Variants in AGK observed in about 807,000 individuals in gnomAD.
The protein encoded by AGK is acylglycerol kinase, also known as acylglycerol kinase, mitochondrial.
Under a neutral mutation model 66.4 loss-of-function variants are expected in AGK, and 52 were observed. That is an observed-to-expected ratio of 0.78 (90% CI 0.63 to 0.99). The LOEUF is 0.99. Among genes scored for constraint, AGK ranks in the 50% least tolerant of loss-of-function variants. AGK has a pLI of 0.00. For synonymous variants in AGK, 182 were observed against 181.1 expected, an observed-to-expected ratio of 1.00 and a Z score of -0.04; for missense variants, 451 against 506.6, an observed-to-expected ratio of 0.89 and a Z score of 1.05.
At chr7:141,615,970 T>C (rs1220624767) in intron 8 of AGK, 2 of 160,882 alleles carry the variant, frequency 1.2e-5, no homozygotes, top group African/African-American at 4.8e-5. Context: ...CTTCATTATC[T>C]TGATATTAAA....
chr7:141,585,853 A>G (rs368392403), intron 2 of AGK, among the ~76,000 whole-genome samples: 3 of 152,224 alleles, frequency 2.0e-5, no homozygotes, highest in East Asian at 3.8e-4. Context: ...TTTCTGTCAA[A>G]GAACCTGCAT....
intron 5 of AGK, among the ~76,000 whole-genome samples, chr7:141,602,961 T>G (rs1796376530): frequency 6.6e-6 from 1 of 152,154 alleles, no homozygotes; most frequent in Non-Finnish European, 1.5e-5. Flanking sequence ...TCTTTGTTAA[T>G]GATTTCAGAC....
At chr7:141,630,041 G>C (rs1222860074) in intron 9 of AGK, among the ~76,000 whole-genome samples, 1 of 152,126 alleles carries the variant, frequency 6.6e-6, no homozygotes, top group Non-Finnish European at 1.5e-5. Flanking sequence ...AACATAACTG[G>C]CTTCAAACCA....
intron 2 of AGK, chr7:141,562,110 G>T (rs779713840): frequency 4.4e-6 from 2 of 455,640 alleles, no homozygotes; most frequent in Admixed American, 4.7e-5. Context: ...GCTATAGATA[G>T]GTTTAGTGTG....
chr7:141,555,696 T>A lies in AGK; in HGVS notation c.101+129T>A. 1 of 609,884 alleles carries A rather than the reference T, an allele frequency of 1.6e-6. No individual in the cohort carries two copies. Among genetic ancestry groups the A allele is most frequent in the Non-Finnish European group, 2.8e-6 (1 of 358,922 alleles). 37.8% of individuals were successfully genotyped at this position (609,884 alleles called of 1,614,324 possible). On this transcript the variant is annotated intron_variant, in intron 2 of 15. Transcript: ENST00000649286. This position sits in a 1 kb window ranked among gnomAD's most constrained non-coding sequence, Gnocchi z 4.2. Reference sequence around the variant, plus strand: ...TGTGGTGTAAAAGAAAAATAAATGCTATTCAAAGCAAAAACAAAGACTTCT... The same window carrying A: ...TGTGGTGTAAAAGAAAAATAAATGCAATTCAAAGCAAAAACAAAGACTTCT...
intron 9 of AGK, among the ~76,000 whole-genome samples, chr7:141,622,409 C>G (rs1796847331): frequency 6.6e-6 from 1 of 152,210 alleles, no homozygotes; most frequent in African/African-American, 2.4e-5. Context: ...CTGCCCCAAG[C>G]AAGTCTACCA....
At chr7:141,608,633 C>G (rs1796513054) in intron 5 of AGK, among the ~76,000 whole-genome samples, 1 of 152,170 alleles carries the variant, frequency 6.6e-6, no homozygotes, top group East Asian at 1.9e-4. Context: ...GAAGGGGGAC[C>G]CTCAATGAAA....
rs376806008 is a variant in AGK at position 141,555,513 on chromosome 7, C to T, written c.47C>T (p.Thr16Ile). 4.3e-6 allele frequency: 7 copies of T among 1,614,142 alleles called. No individual in the cohort carries two copies. The African/African-American group carries it at 5.3e-5, about 12-fold the overall frequency. The change falls in exon 2 of 16, where the codon ACA (threonine) becomes ATA (isoleucine). Residue 16 changes from threonine (T) to isoleucine (I), a missense_variant. Coordinates refer to ENST00000649286, the MANE Select transcript of AGK (RefSeq NM_018238.4). The surrounding 1 kb of genome is among the most constrained non-coding windows in gnomAD (Gnocchi z 4.2). ...CTTCGAAATCACTGGAAGAAAACTA[C>T]AGCTGGGCTCTGCCTGCTGACCTGG... ...KTLRNHWKKTTAGLCLLTWGG... is the reference protein window; with the variant it reads ...KTLRNHWKKTIAGLCLLTWGG...
chr7:141,556,963 T>A (rs1795222359), intron 2 of AGK, among the ~76,000 whole-genome samples: 1 of 152,114 alleles, frequency 6.6e-6, no homozygotes, highest in Non-Finnish European at 1.5e-5. Flanking sequence ...AACAGAGAAG[T>A]TTTTTTGTAT....
chr7:141,557,198 A>G (rs1035392721), intron 2 of AGK, among the ~76,000 whole-genome samples: 6 of 152,228 alleles, frequency 3.9e-5, no homozygotes, highest in African/African-American at 7.2e-5. Flanking sequence ...ACTTTATGAT[A>G]TAACATGATG....
chr7:141,596,338 AT>A (rs1372469450), intron 3 of AGK, among the ~76,000 whole-genome samples: 1 of 152,168 alleles, frequency 6.6e-6, no homozygotes, highest in Non-Finnish European at 1.5e-5. Flanking sequence ...ATAAAGCAGG[AT>A]TTTTTTATTC....
At chr7:141,572,807 G>C (rs545031085) in intron 2 of AGK, among the ~76,000 whole-genome samples, 19 of 152,268 alleles carry the variant, frequency 1.2e-4, no homozygotes, top group Admixed American at 2.6e-4. Context: ...AGGCTATGGG[G>C]GGGGGAAATG....
chr7:141,633,830 T>C, intron 9 of AGK, 71 bp from the exon 10 acceptor site: 1 of 1,345,080 alleles, frequency 7.4e-7, no homozygotes, highest in Non-Finnish European at 1.1e-6. Context: ...GAACATTTGC[T>C]GAGTACTTAG....
intron 1 of AGK, among the ~76,000 whole-genome samples, chr7:141,552,256 A>T (rs535932414): frequency 6.6e-6 from 1 of 152,234 alleles, no homozygotes; most frequent in East Asian, 1.9e-4. Flanking sequence ...GTCTTTTAAC[A>T]GTTCAAATAT....
intron 9 of AGK, among the ~76,000 whole-genome samples, chr7:141,622,550 T>TAA (rs1796850164): frequency 6.6e-6 from 1 of 152,226 alleles, no homozygotes; most frequent in Non-Finnish European, 1.5e-5. Context: ...TCTTTGATGT[T>TAA]ACTATTGTAA....
At chr7:141,612,619 AG>A (rs1272110304) in intron 6 of AGK, among the ~76,000 whole-genome samples, 1 of 152,154 alleles carries the variant, frequency 6.6e-6, no homozygotes, top group Non-Finnish European at 1.5e-5. Flanking sequence ...AATGGGCGGA[AG>A]GTTCACGTAT....
At chr7:141,560,272 G>GTT (rs531901093) in intron 2 of AGK, among the ~76,000 whole-genome samples, 1 of 141,706 alleles carries the variant, frequency 7.1e-6, no homozygotes, top group Non-Finnish European at 1.5e-5. Context: ...CCCTCCCTCC[G>GTT]TTTTTTTTTT....
chr7:141,631,902 G>A (rs771073594), intron 9 of AGK, among the ~76,000 whole-genome samples: 2 of 152,110 alleles, frequency 1.3e-5, no homozygotes, highest in Non-Finnish European at 2.9e-5. Context: ...TCAAATGTTA[G>A]TGCATCATTG....
chr7:141,560,326 CT>C (rs1248884546), intron 2 of AGK, among the ~76,000 whole-genome samples: 1 of 150,144 alleles, frequency 6.7e-6, no homozygotes, highest in Non-Finnish European at 1.5e-5. Context: ...TGCTCACATT[CT>C]TTATACCAAA....
Sources: allele counts gnomAD v4.1 joint callset (sites outside exome capture counted in the v4.1 genomes callset), GRCh38; gene constraint gnomAD v4.1.1; non-coding constraint Gnocchi (gnomAD v3.1); transcripts MANE v1.5; gene names NCBI Gene and HGNC (gene_info 2026-07-23, HGNC 2026-07-21).